The following RBFOX3 variants were observed in gnomAD, a reference collection of about 807,000 sequenced individuals.
RBFOX3 encodes the protein RNA binding fox-1 homolog 3.
RBFOX3 carries 17 observed loss-of-function variants against 48.7 expected under a neutral mutation model. That is an observed-to-expected ratio of 0.35 (90% CI 0.24 to 0.52). RBFOX3 has a LOEUF of 0.52. RBFOX3 is among the 20% of genes least tolerant of loss of function. The pLI, the probability that RBFOX3 is intolerant of heterozygous loss-of-function variation, is 0.94. For synonymous variants in RBFOX3, 212 were observed against 209.5 expected (o/e 1.01, Z -0.10); for missense variants, 382 against 497.5 (o/e 0.77, Z 2.21).
chr17:79,101,661 GGAGA>G lies in RBFOX3; in HGVS notation c.508-21_508-18del. On this transcript the variant is annotated intron_variant, in intron 8 of 14. Transcript: ENST00000693108. ...ATTATTGACCTGTTCAAAGAGGGAA[GGAGA>G]GAGAGGAAGAGGGAGGATTAGCCTC... 6.5e-7 allele frequency: 1 copy of G among 1,550,086 alleles called. No homozygotes were observed. Among genetic ancestry groups the G allele is most frequent in the African/African-American group, 1.4e-5 (1 of 73,142 alleles).
intron 3 of RBFOX3, among the ~76,000 whole-genome samples, chr17:79,307,376 G>C (rs2076244014): frequency 6.6e-6 from 1 of 152,242 alleles, no homozygotes; most frequent in African/African-American, 2.4e-5. Flanking sequence ...CCTGTAAACA[G>C]AGAGTTTAAT....
chr17:79,497,260 C>T (rs2081672018), intron 1 of RBFOX3, among the ~76,000 whole-genome samples: 1 of 152,172 alleles, frequency 6.6e-6, no homozygotes, highest in Non-Finnish European at 1.5e-5. Flanking sequence ...ACTCACTGGA[C>T]CATACTAAGA....
chr17:79,300,434 T>C (rs1490973272), intron 3 of RBFOX3, among the ~76,000 whole-genome samples: 2 of 152,114 alleles, frequency 1.3e-5, no homozygotes, highest in African/African-American at 2.4e-5. Flanking sequence ...TCCTATTAAA[T>C]TGCTGCCCTA....
At chr17:79,122,309 G>C (rs1273089844) in intron 4 of RBFOX3, among the ~76,000 whole-genome samples, 1 of 152,128 alleles carries the variant, frequency 6.6e-6, no homozygotes, top group African/African-American at 2.4e-5. Context: ...AAAGTCCTGA[G>C]ACGGCCCCTC....
At chr17:79,241,717 G>A (rs1051797164) in intron 3 of RBFOX3, among the ~76,000 whole-genome samples, 1 of 152,210 alleles carries the variant, frequency 6.6e-6, no homozygotes, top group South Asian at 2.1e-4. Flanking sequence ...TCTGGAGGCT[G>A]GAAGTCTGTG....
chr17:79,225,151 C>T (rs935940232), intron 4 of RBFOX3, among the ~76,000 whole-genome samples: 7 of 152,132 alleles, frequency 4.6e-5, no homozygotes, highest in Non-Finnish European at 7.3e-5. Context: ...GTGACCAGCA[C>T]GTACACAGCC....
chr17:79,475,795 T>C (rs2077653720), intron 2 of RBFOX3, among the ~76,000 whole-genome samples: 1 of 152,180 alleles, frequency 6.6e-6, no homozygotes, highest in Non-Finnish European at 1.5e-5. Context: ...AGTGCATCTA[T>C]AAGCCAAGGC....
the RBFOX3 span, among the ~76,000 whole-genome samples, chr17:79,647,218 G>A: frequency 6.6e-6 from 1 of 152,082 alleles, no homozygotes; most frequent in Non-Finnish European, 1.5e-5. Flanking sequence ...CTGAGCAGCC[G>A]CTGTCAGCAT....
At chr17:79,498,374 C>T (rs2081879518) in intron 1 of RBFOX3, among the ~76,000 whole-genome samples, 1 of 152,146 alleles carries the variant, frequency 6.6e-6, no homozygotes. Flanking sequence ...CCTGCCCACT[C>T]ATCCATCCAC....
the RBFOX3 span, among the ~76,000 whole-genome samples, chr17:79,649,571 T>C: frequency 6.6e-6 from 1 of 152,158 alleles, no homozygotes; most frequent in Non-Finnish European, 1.5e-5. Flanking sequence ...CCAGGCATGA[T>C]GGCGGAGGCC....
At position 79,198,231 on chromosome 17, in the gene RBFOX3, T is replaced by C. The variant is rs1020147444; in HGVS notation, c.-34+37535A>G. 5.9e-5 allele frequency among the ~76,000 whole-genome samples: 9 copies of C among 152,126 alleles called. No homozygotes were observed. Among genetic ancestry groups the C allele is most frequent in the Non-Finnish European group, 1.2e-4 (8 of 68,028 alleles). On this transcript the variant is annotated intron_variant, in intron 4 of 14. Coordinates refer to ENST00000693108, the MANE Select transcript of RBFOX3 (RefSeq NM_001350451.2). The surrounding 1 kb of genome is among the most constrained non-coding windows in gnomAD (Gnocchi z 8.2). ...TGGACCAGACCAGAAGGGGAAATCA[T>C]GGGTGACAACCGCCTCTGGCCAGCC...
intron 2 of RBFOX3, among the ~76,000 whole-genome samples, chr17:79,440,743 C>G (rs1045781683): frequency 6.6e-6 from 1 of 152,182 alleles, no homozygotes. Flanking sequence ...TGCCATACCC[C>G]CCTTCCCCAT....
At chr17:79,411,682 C>T (rs1047925815) in intron 2 of RBFOX3, among the ~76,000 whole-genome samples, 3 of 152,238 alleles carry the variant, frequency 2.0e-5, no homozygotes, top group Non-Finnish European at 4.4e-5. Flanking sequence ...CCCAGTCTCC[C>T]ATGGTGCCTG....
chr17:79,424,730 G>C (rs1447068580), intron 2 of RBFOX3, among the ~76,000 whole-genome samples: 2 of 152,188 alleles, frequency 1.3e-5, no homozygotes, highest in Admixed American at 1.3e-4. Flanking sequence ...CTCGGGCCGG[G>C]CCGGAGCTCC....
At chr17:79,097,566 A>T (rs1373341431) in intron 10 of RBFOX3, 126 bp downstream of exon 10, 75 of 1,330,950 alleles carry the variant, frequency 5.6e-5, no homozygotes, top group Non-Finnish European at 5.8e-5. Flanking sequence ...CTCAGTCAAC[A>T]CGGCGACGGG....
At chr17:79,551,043 T>C (rs1474997114) in intron 1 of RBFOX3, among the ~76,000 whole-genome samples, 3 of 152,348 alleles carry the variant, frequency 2.0e-5, no homozygotes, top group Non-Finnish European at 4.4e-5. Context: ...GTAACTAGTA[T>C]ATCTGAACAA....
chr17:79,332,840 G>A (rs1208793048), intron 2 of RBFOX3, among the ~76,000 whole-genome samples: 1 of 151,656 alleles, frequency 6.6e-6, no homozygotes, highest in Non-Finnish European at 1.5e-5. Context: ...GAAAGAGAGA[G>A]AGATGGGGTG....
intron 4 of RBFOX3, among the ~76,000 whole-genome samples, chr17:79,160,177 C>A (rs532315072): frequency 4.6e-5 from 7 of 152,222 alleles, no homozygotes; most frequent in African/African-American, 1.4e-4. Flanking sequence ...AGCTCCAGGC[C>A]GGGAGGAAAA....
intron 9 of RBFOX3, chr17:79,099,267 G>A (rs2075992324): frequency 6.6e-6 from 1 of 152,298 alleles, no homozygotes; most frequent in South Asian, 2.1e-4. Flanking sequence ...TGGGCCACAG[G>A]TGCCTGCCAC....
Sources: allele counts gnomAD v4.1 joint callset (sites outside exome capture counted in the v4.1 genomes callset), GRCh38; gene constraint gnomAD v4.1.1; non-coding constraint Gnocchi (gnomAD v3.1); transcripts MANE v1.5; gene names NCBI Gene and HGNC (gene_info 2026-07-23, HGNC 2026-07-21).